The following ADAMTSL3 variants were observed in gnomAD, a reference collection of about 807,000 sequenced individuals.
ADAMTSL3 encodes the protein ADAMTS-like protein 3.
A neutral mutation model predicts 201.7 loss-of-function variants in ADAMTSL3; 128 were observed. The ratio of observed to expected loss-of-function variants is 0.63; its 90% CI spans 0.55 to 0.73. The LOEUF (loss-of-function observed/expected upper bound fraction) is 0.73, where lower values mean the gene tolerates loss of function less well. Among genes scored for constraint, ADAMTSL3 ranks in the 30% least tolerant of loss-of-function variants. The pLI, the probability that ADAMTSL3 is intolerant of heterozygous loss-of-function variation, is 0.00. For synonymous variants in ADAMTSL3, 738 were observed against 748.4 expected (o/e 0.99, Z 0.23); for missense variants, 1,990 against 2,119.6 (o/e 0.94, Z 1.20).
At position 83,722,733 on chromosome 15, in the gene ADAMTSL3, CTA is replaced by C. The variant is rs1200379382; in HGVS notation, c.189+18228_189+18229del. On this transcript the variant is annotated intron_variant, in intron 3 of 29. Coordinates refer to ENST00000286744, the MANE Select transcript of ADAMTSL3 (RefSeq NM_207517.3). ...TCAGAAATTATCATGTAACTACAGTCTATACTGAGAGGACCTCACATTCTTTC... is the reference window on the plus strand; with the variant it reads ...TCAGAAATTATCATGTAACTACAGTCTACTGAGAGGACCTCACATTCTTTC... 2.6e-5 allele frequency among the ~76,000 whole-genome samples: 4 copies of C among 152,170 alleles called. No homozygotes were observed. The East Asian group carries it at 7.7e-4, about 29-fold the overall frequency.
intron 3 of ADAMTSL3, among the ~76,000 whole-genome samples, chr15:83,737,775 T>C (rs1426431655): frequency 6.6e-6 from 1 of 152,174 alleles, no homozygotes; most frequent in Non-Finnish European, 1.5e-5. Context: ...CATACCCCGA[T>C]ACATCGTGTT....
chr15:84,030,918 C>T (rs2068397803), intron 27 of ADAMTSL3, among the ~76,000 whole-genome samples: 1 of 152,146 alleles, frequency 6.6e-6, no homozygotes, highest in Non-Finnish European at 1.5e-5. Flanking sequence ...AAAGGGGGCT[C>T]TTCTCCCTTC....
At chr15:83,807,660 C>A (rs1449611878) in intron 5 of ADAMTSL3, among the ~76,000 whole-genome samples, 1 of 152,114 alleles carries the variant, frequency 6.6e-6, no homozygotes, top group Non-Finnish European at 1.5e-5. Flanking sequence ...AGACTCTGAA[C>A]ACCCAAAGCA....
At chr15:83,947,251 C>T (rs553710427) in intron 19 of ADAMTSL3, among the ~76,000 whole-genome samples, 234 of 152,366 alleles carry the variant, frequency 1.5e-3, no homozygotes, top group Non-Finnish European at 2.4e-3. Flanking sequence ...TGGCCACTAA[C>T]CCTGGACACA....
intron 7 of ADAMTSL3, among the ~76,000 whole-genome samples, chr15:83,840,233 A>G (rs377483139): frequency 5.5e-4 from 84 of 152,290 alleles, no homozygotes; most frequent in African/African-American, 1.9e-3. Flanking sequence ...TGGACCCCAA[A>G]GGAATAAGTA....
intron 19 of ADAMTSL3, among the ~76,000 whole-genome samples, chr15:83,948,842 A>G (rs1361653652): frequency 2.6e-5 from 4 of 152,216 alleles, no homozygotes; most frequent in Admixed American, 1.3e-4. Flanking sequence ...CACTAGGCAG[A>G]TAACAATTCT....
At chr15:84,007,182 C>G (rs536024223) in intron 23 of ADAMTSL3, among the ~76,000 whole-genome samples, 1 of 152,130 alleles carries the variant, frequency 6.6e-6, no homozygotes, top group Non-Finnish European at 1.5e-5. Context: ...GAGAAGCTTG[C>G]GCTGGCATGG....
chr15:83,698,840 C>T (rs1037455594), intron 2 of ADAMTSL3, among the ~76,000 whole-genome samples: 11 of 152,288 alleles, frequency 7.2e-5, no homozygotes, highest in African/African-American at 2.6e-4. Flanking sequence ...GGATACTTCT[C>T]TGGCCTCATC....
rs1534191 is a variant in ADAMTSL3, at chr15:84,014,339, T to C, written c.3974-203T>C. 0.83 allele frequency among the ~76,000 whole-genome samples: 126,475 copies of C among 152,156 alleles called. 52,881 individuals carry two copies. Among genetic ancestry groups the C allele is most frequent in the East Asian group, 0.96 (4,958 of 5,168 alleles). On this transcript the variant is annotated intron_variant, in intron 23 of 29. Coordinates refer to ENST00000286744, the MANE Select transcript of ADAMTSL3 (RefSeq NM_207517.3). ...ATATGTGTAAACCAGTCACATGCCC[T>C]GTAGACCAAAGCCCTTTGCTTTAAG... is the stretch of plus-strand genomic sequence containing the variant.
At chr15:83,859,528 C>T (rs1376586630) in intron 8 of ADAMTSL3, among the ~76,000 whole-genome samples, 1 of 152,186 alleles carries the variant, frequency 6.6e-6, no homozygotes, top group Non-Finnish European at 1.5e-5. Flanking sequence ...CTATAGGGAA[C>T]CATACATCCT....
At position 83,825,984 on chromosome 15, in the gene ADAMTSL3, T is replaced by C. The variant is rs2064013921; in HGVS notation, c.600+5937T>C. Among the ~76,000 whole-genome samples, 3 of 152,200 alleles carry C rather than the reference T, an allele frequency of 2.0e-5. No individual in the cohort carries two copies. The South Asian group carries it at 6.2e-4, about 31-fold the overall frequency. On this transcript the variant is annotated intron_variant, in intron 6 of 29. Coordinates refer to ENST00000286744, the MANE Select transcript of ADAMTSL3 (RefSeq NM_207517.3). Reference sequence around the variant, plus strand: ...TAGAAAGGTCATTTCAGTGGCAAAGTGGCAGATTATTTGCAGAGGACAGGA... The same window carrying C: ...TAGAAAGGTCATTTCAGTGGCAAAGCGGCAGATTATTTGCAGAGGACAGGA...
intron 15 of ADAMTSL3, among the ~76,000 whole-genome samples, chr15:83,905,558 A>T (rs768648255): frequency 1.1e-4 from 17 of 152,256 alleles, no homozygotes; most frequent in South Asian, 4.1e-4. Flanking sequence ...TTCACTAAGG[A>T]GCTTGGACTT....
chr15:83,777,758 T>C (rs746853857), intron 4 of ADAMTSL3, among the ~76,000 whole-genome samples: 7 of 152,184 alleles, frequency 4.6e-5, no homozygotes, highest in Non-Finnish European at 1.0e-4. Context: ...GCAAGTGTTC[T>C]GAACCAGGTT....
At chr15:83,708,654 C>A (rs560988674) in intron 3 of ADAMTSL3, among the ~76,000 whole-genome samples, 4 of 152,156 alleles carry the variant, frequency 2.6e-5, no homozygotes, top group Non-Finnish European at 4.4e-5. Flanking sequence ...ACTTTGGATT[C>A]TTTATTTCTT....
At chr15:83,935,548 G>A (rs184029691) in intron 17 of ADAMTSL3, among the ~76,000 whole-genome samples, 15 of 8,512 alleles carry the variant, frequency 1.8e-3, no homozygotes, top group African/African-American at 9.2e-3. Context: ...AATCCCAAAC[G>A]GGAAAAAAAA....
At chr15:83,835,943 A>G (rs2064260940) in intron 6 of ADAMTSL3, among the ~76,000 whole-genome samples, 1 of 152,242 alleles carries the variant, frequency 6.6e-6, no homozygotes, top group Non-Finnish European at 1.5e-5. Context: ...TAATATTGGC[A>G]AATCATTTAC....
chr15:84,019,150 G>T (rs1485398312), intron 25 of ADAMTSL3, among the ~76,000 whole-genome samples: 1 of 146,632 alleles, frequency 6.8e-6, no homozygotes, highest in Non-Finnish European at 1.5e-5. Context: ...TTTCACAAAA[G>T]ATGATATATA....
chr15:83,745,071 C>A (rs371298597), intron 3 of ADAMTSL3, among the ~76,000 whole-genome samples: 1 of 152,306 alleles, frequency 6.6e-6, no homozygotes, highest in East Asian at 1.9e-4. Context: ...AAACCCCAGG[C>A]TCAGCTGGCA....
rs552220430 is a variant in ADAMTSL3 at position 83,747,720 on chromosome 15, A to G, written c.190-25803A>G. Among the ~76,000 whole-genome samples, 175 of 152,250 alleles carry G rather than the reference A, an allele frequency of 1.1e-3. 2 individuals are homozygous for G. The highest frequency in any genetic ancestry group is 1.6e-3 in the Admixed American group (25 of 15,284). Reference sequence around the variant, plus strand: ...TTTACTTTTTGTCTACTTCGTAAGAATGGCTGTGGTGCAGTTTTGTTTTAA... The same window carrying G: ...TTTACTTTTTGTCTACTTCGTAAGAGTGGCTGTGGTGCAGTTTTGTTTTAA... On this transcript the variant is annotated intron_variant, in intron 3 of 29. Transcript: ENST00000286744.
Sources: gnomAD v4.1 joint callset for allele counts (sites outside exome capture counted in the v4.1 genomes callset) on GRCh38, gnomAD v4.1.1 for gene constraint, MANE v1.5 for transcripts, NCBI Gene and HGNC (gene_info 2026-07-23, HGNC 2026-07-21) for gene names.